HPSE2: variants seen among roughly 807,000 people sequenced by gnomAD.
HPSE2 encodes the protein heparanase 2 (inactive).
HPSE2 carries 38 observed loss-of-function variants against 60.5 expected under a neutral mutation model. The observed-to-expected ratio is 0.63, with a 90% confidence interval of 0.48 to 0.82. The LOEUF (loss-of-function observed/expected upper bound fraction) is 0.82, where lower values mean the gene tolerates loss of function less well. HPSE2 is among the 40% of genes least tolerant of loss of function. HPSE2 has a pLI of 0.00. For synonymous variants in HPSE2, 295 were observed against 293.2 expected (o/e 1.01, Z -0.06); for missense variants, 713 against 740.4 (o/e 0.96, Z 0.43).
At chr10:98,978,814 A>G (rs544768812) in intron 3 of HPSE2, among the ~76,000 whole-genome samples, 1 of 152,314 alleles carries the variant, frequency 6.6e-6, no homozygotes, top group East Asian at 1.9e-4. Context: ...CTGCATTTGC[A>G]TATTTGTCTA....
chr10:98,641,942 T>C lies in HPSE2; in HGVS notation c.1005-2A>G. ...ACCACCCGGCCATCAATGTAGCAAC[T>C]GGAATAAAAATAAAATAAGAATCAG... On this transcript the variant is annotated splice_acceptor_variant, in intron 6 of 11. Coordinates refer to ENST00000370552, the MANE Select transcript of HPSE2 (RefSeq NM_021828.5). LOFTEE classifies it high-confidence loss of function. 2 of 1,610,318 alleles carry C rather than the reference T, an allele frequency of 1.2e-6. No homozygotes were observed. The highest frequency in any genetic ancestry group is 1.7e-6 in the Non-Finnish European group (2 of 1,176,864).
At chr10:98,956,059 T>G (rs998054853) in intron 3 of HPSE2, among the ~76,000 whole-genome samples, 1 of 152,118 alleles carries the variant, frequency 6.6e-6, no homozygotes, top group Non-Finnish European at 1.5e-5. Flanking sequence ...GGCACACGTT[T>G]ACCCATGTAA....
intron 3 of HPSE2, among the ~76,000 whole-genome samples, chr10:99,062,843 T>C (rs147017414): frequency 1.4e-4 from 22 of 152,284 alleles, no homozygotes; most frequent in African/African-American, 3.6e-4. Flanking sequence ...CCAGAGACCA[T>C]TGCAAAACTA....
At chr10:98,633,743 G>C (rs945500257) in intron 7 of HPSE2, among the ~76,000 whole-genome samples, 7 of 152,118 alleles carry the variant, frequency 4.6e-5, no homozygotes, top group Non-Finnish European at 8.8e-5. Flanking sequence ...AAGGGAGTCA[G>C]CGCCTCTAAC....
At chr10:98,960,793 G>A (rs921907023) in intron 3 of HPSE2, among the ~76,000 whole-genome samples, 4 of 133,694 alleles carry the variant, frequency 3.0e-5, no homozygotes, top group African/African-American at 1.1e-4. Context: ...TATTGTGCAG[G>A]TTAGTTACAT....
chr10:98,522,606 C>G (rs1349763167), intron 9 of HPSE2, among the ~76,000 whole-genome samples: 1 of 152,088 alleles, frequency 6.6e-6, no homozygotes, highest in East Asian at 1.9e-4. Context: ...TCCTGAGTAG[C>G]TGGGATTACA....
intron 11 of HPSE2, among the ~76,000 whole-genome samples, chr10:98,481,988 G>A (rs550284039): frequency 6.6e-6 from 1 of 152,262 alleles, no homozygotes; most frequent in Admixed American, 6.5e-5. Flanking sequence ...GGCAGGGAGT[G>A]TCACAGAATC....
intron 9 of HPSE2, among the ~76,000 whole-genome samples, chr10:98,543,395 C>T (rs1176048634): frequency 2.0e-5 from 3 of 152,076 alleles, no homozygotes; most frequent in African/African-American, 2.4e-5. Flanking sequence ...TAAAGACCAA[C>T]GAGACTAGGA....
At chr10:98,698,634 TA>T (rs1948304585) in intron 5 of HPSE2, among the ~76,000 whole-genome samples, 1 of 151,790 alleles carries the variant, frequency 6.6e-6, no homozygotes, top group Non-Finnish European at 1.5e-5. Context: ...AAGAAATAAC[TA>T]AAATCAGAGC....
Position 98,721,822 on chromosome 10 carries a change from T to G in HPSE2, c.791A>C (p.Asn264Thr), listed in dbSNP as rs1449208195. The change falls in exon 5 of 12, where the codon AAT becomes ACT. Residue 264 changes from asparagine (N) to threonine (T), a missense_variant. Coordinates refer to ENST00000370552, the MANE Select transcript of HPSE2 (RefSeq NM_021828.5). ...CCGGCCATGCATGGTCCGATAGTTA[T>G]TTGGCTCTAGATTAAAAGCAGACAT... ...NISWELGNEP[N>T]NYRTMHGRAV... 1.2e-6 allele frequency: 2 copies of G among 1,613,480 alleles called. No homozygotes were observed. Among genetic ancestry groups the G allele is most frequent in the Admixed American group, 3.3e-5 (2 of 59,920 alleles).
intron 3 of HPSE2, among the ~76,000 whole-genome samples, chr10:98,775,456 T>C (rs1052308844): frequency 6.6e-6 from 1 of 152,190 alleles, no homozygotes; most frequent in African/African-American, 2.4e-5. Context: ...AGTTATTCTC[T>C]AGTCTAGTTG....
intron 3 of HPSE2, among the ~76,000 whole-genome samples, chr10:98,984,903 C>T: frequency 6.6e-6 from 1 of 152,002 alleles, no homozygotes. Flanking sequence ...GATGGAAGAT[C>T]AAATGAATGA....
intron 8 of HPSE2, among the ~76,000 whole-genome samples, chr10:98,618,619 CTG>C (rs1945986236): frequency 6.6e-6 from 1 of 152,150 alleles, no homozygotes; most frequent in African/African-American, 2.4e-5. Flanking sequence ...GAGTCTTGCT[CTG>C]TTGCCCAGGC....
chr10:99,025,585 C>A (rs1185960636), intron 3 of HPSE2, among the ~76,000 whole-genome samples: 1 of 152,066 alleles, frequency 6.6e-6, no homozygotes, highest in Admixed American at 6.6e-5. Context: ...CAATCCCTAG[C>A]AAACTAACAC....
At chr10:98,691,219 G>A (rs1188182552) in intron 6 of HPSE2, among the ~76,000 whole-genome samples, 1 of 152,140 alleles carries the variant, frequency 6.6e-6, no homozygotes, top group Non-Finnish European at 1.5e-5. Context: ...TGGCTGGAAA[G>A]GATAAATTGT....
the HPSE2 span, among the ~76,000 whole-genome samples, chr10:99,304,098 TA>T: frequency 6.6e-6 from 1 of 152,094 alleles, no homozygotes; most frequent in African/African-American, 2.4e-5. Flanking sequence ...TGTTTAAGAT[TA>T]AGGAGGAGTA....
chr10:98,885,084 A>C (rs993098944), intron 3 of HPSE2, among the ~76,000 whole-genome samples: 4 of 152,178 alleles, frequency 2.6e-5, no homozygotes, highest in African/African-American at 9.6e-5. Context: ...GGAGGTCAAA[A>C]TAGCAACATT....
At chr10:99,035,206 A>T (rs1957583355) in intron 3 of HPSE2, among the ~76,000 whole-genome samples, 1 of 152,220 alleles carries the variant, frequency 6.6e-6, no homozygotes. Flanking sequence ...TTAGCTTAAA[A>T]CACGAACAAA....
At chr10:98,965,638 A>C (rs1955795078) in intron 3 of HPSE2, among the ~76,000 whole-genome samples, 1 of 152,128 alleles carries the variant, frequency 6.6e-6, no homozygotes, top group African/African-American at 2.4e-5. Flanking sequence ...CACCTACACA[A>C]ATATTATCAT....
Sources: gnomAD v4.1 joint callset for allele counts (sites outside exome capture counted in the v4.1 genomes callset) on GRCh38, gnomAD v4.1.1 for gene constraint, MANE v1.5 for transcripts, NCBI Gene and HGNC (gene_info 2026-07-23, HGNC 2026-07-21) for gene names.